ARHGAP10: variants seen among roughly 807,000 people sequenced by gnomAD.
ARHGAP10 encodes the protein Rho GTPase activating protein 10.
Under a neutral mutation model 108.6 loss-of-function variants are expected in ARHGAP10, and 87 were observed. That is an observed-to-expected ratio of 0.80 (90% confidence interval 0.67 to 0.96). ARHGAP10 has a LOEUF of 0.96. Among genes scored for constraint, ARHGAP10 ranks in the 40% least tolerant of loss-of-function variants. The pLI is 0.00. For synonymous variants in ARHGAP10, 347 were observed against 341.1 expected, an observed-to-expected ratio of 1.02 and a Z score of -0.19; for missense variants, 939 against 954.5, an observed-to-expected ratio of 0.98 and a Z score of 0.21.
At chr4:147,762,242 A>G (rs538563659) in intron 1 of ARHGAP10, among the ~76,000 whole-genome samples, 160 of 152,214 alleles carry the variant, frequency 1.1e-3, no homozygotes, top group African/African-American at 3.4e-3. Flanking sequence ...CCCTGGCCTC[A>G]AGCAGTCTGC....
chr4:148,012,827 A>G (rs772151798), intron 18 of ARHGAP10, among the ~76,000 whole-genome samples: 1 of 152,092 alleles, frequency 6.6e-6, no homozygotes, highest in African/African-American at 2.4e-5. Context: ...CTTCCTTATG[A>G]TGACAAAATG....
intron 3 of ARHGAP10, among the ~76,000 whole-genome samples, chr4:147,831,525 G>A (rs1156982576): frequency 1.3e-5 from 2 of 152,180 alleles, no homozygotes; most frequent in Admixed American, 6.5e-5. Context: ...GTGGATTTCT[G>A]TTGGCAGGCA....
chr4:147,854,464 T>G (rs1734009858), intron 4 of ARHGAP10, among the ~76,000 whole-genome samples: 1 of 152,236 alleles, frequency 6.6e-6, no homozygotes, highest in Non-Finnish European at 1.5e-5. Flanking sequence ...ATTAGATTAC[T>G]GCCTGGCCCA....
intron 18 of ARHGAP10, among the ~76,000 whole-genome samples, chr4:147,994,025 C>A (rs1461668194): frequency 6.6e-6 from 1 of 152,164 alleles, no homozygotes; most frequent in Non-Finnish European, 1.5e-5. Flanking sequence ...TTAACTTGCC[C>A]AAGGTCACAC....
intron 1 of ARHGAP10, among the ~76,000 whole-genome samples, chr4:147,741,798 A>ACACGCACACACACG (rs766777155): frequency 1.7e-5 from 1 of 57,778 alleles, no homozygotes; most frequent in African/African-American, 4.0e-5. Flanking sequence ...ACACGCACAC[A>ACACGCACACACACG]CACACACACA....
At chr4:147,784,835 T>TA (rs1560757035) in intron 1 of ARHGAP10, among the ~76,000 whole-genome samples, 1 of 100,240 alleles carries the variant, frequency 1.0e-5, no homozygotes, top group African/African-American at 3.9e-5. Flanking sequence ...ATTATAAATA[T>TA]ATTATAAAAT....
intron 10 of ARHGAP10, among the ~76,000 whole-genome samples, chr4:147,902,733 T>G (rs934882016): frequency 2.0e-5 from 3 of 151,874 alleles, no homozygotes; most frequent in Non-Finnish European, 2.9e-5. Context: ...AGAGCGAAAC[T>G]CCATCTCAAA....
At chr4:147,785,497 A>G (rs777581636) in intron 1 of ARHGAP10, among the ~76,000 whole-genome samples, 29 of 152,300 alleles carry the variant, frequency 1.9e-4, no homozygotes, top group Non-Finnish European at 3.4e-4. Context: ...TTATGATACC[A>G]TAAGTCCTGC....
At chr4:147,908,546 A>T (rs1736596252) in intron 11 of ARHGAP10, among the ~76,000 whole-genome samples, 1 of 152,218 alleles carries the variant, frequency 6.6e-6, no homozygotes, top group Non-Finnish European at 1.5e-5. Flanking sequence ...GGGGACACTG[A>T]AGGGACTGCA....
chr4:147,760,961 G>T (rs1729564499), intron 1 of ARHGAP10, among the ~76,000 whole-genome samples: 1 of 151,982 alleles, frequency 6.6e-6, no homozygotes, highest in African/African-American at 2.4e-5. Context: ...ACTGAGAACT[G>T]TAAAAGAGCT....
At chr4:148,064,346 G>GT in intron 21 of ARHGAP10, 70 bp from the exon 22 acceptor site, 1 of 1,428,382 alleles carries the variant, frequency 7.0e-7, no homozygotes, top group Non-Finnish European at 9.7e-7. Flanking sequence ...GGGAAGGGGG[G>GT]TTGGGGGGTG....
At chr4:147,864,009 C>T (rs1243793201) in intron 5 of ARHGAP10, 1 of 152,232 alleles carries the variant, frequency 6.6e-6, no homozygotes, top group Non-Finnish European at 1.5e-5. Context: ...AGTGTCTTTT[C>T]ACATGCTTAT....
intron 1 of ARHGAP10, among the ~76,000 whole-genome samples, chr4:147,807,852 T>TA (rs1309374810): frequency 5.3e-5 from 8 of 152,258 alleles, no homozygotes; most frequent in Non-Finnish European, 1.0e-4. Context: ...TCCTTTGAAC[T>TA]GGAGCCTGAA....
At chr4:148,013,760 G>T (rs183431032) in intron 18 of ARHGAP10, among the ~76,000 whole-genome samples, 1 of 152,170 alleles carries the variant, frequency 6.6e-6, no homozygotes, top group Admixed American at 6.5e-5. Context: ...AAGAAAAATA[G>T]CATTCACGTT....
At position 148,072,214 on chromosome 4, in the gene ARHGAP10, T is replaced by C; in HGVS notation, c.*133T>C. ...CACTTGGGAGTTACCATCATCACAG[T>C]CAGCCCTGGGGGTGGGGGGTGGTGG... On this transcript the variant is annotated 3_prime_UTR_variant, in exon 23 of 23. Transcript: ENST00000336498. 13 of 408,194 alleles carry C rather than the reference T, an allele frequency of 3.2e-5. No homozygotes were observed. Among genetic ancestry groups the C allele is most frequent in the East Asian group, 6.3e-5 (1 of 15,754 alleles). 25.3% of individuals were successfully genotyped at this position (408,194 alleles called of 1,614,324 possible). A position where few individuals can be genotyped will look rare whatever the true frequency, so the allele number is the denominator to read the frequency against.
At chr4:147,957,946 A>G (rs1241593495) in intron 16 of ARHGAP10, among the ~76,000 whole-genome samples, 1 of 152,218 alleles carries the variant, frequency 6.6e-6, no homozygotes, top group African/African-American at 2.4e-5. Flanking sequence ...TGAGAAAATT[A>G]AGAGAGTTAA....
At chr4:147,870,297 G>A (rs1461837234) in intron 7 of ARHGAP10, among the ~76,000 whole-genome samples, 5 of 152,096 alleles carry the variant, frequency 3.3e-5, no homozygotes, top group African/African-American at 9.7e-5. Context: ...TCCTGACCTC[G>A]TGATCTGCCT....
chr4:147,784,274 C>G (rs1289133042), intron 1 of ARHGAP10, among the ~76,000 whole-genome samples: 1 of 110,544 alleles, frequency 9.0e-6, no homozygotes, highest in Non-Finnish European at 1.7e-5. Context: ...ATATAATTTA[C>G]ATAACATTAA....
intron 11 of ARHGAP10, among the ~76,000 whole-genome samples, chr4:147,907,862 C>T (rs937334133): frequency 2.6e-5 from 4 of 152,004 alleles, no homozygotes; most frequent in African/African-American, 9.7e-5. Flanking sequence ...ATTGATTGAT[C>T]GATGGAATCT....
Sources: gnomAD v4.1 joint callset for allele counts (sites outside exome capture counted in the v4.1 genomes callset) on GRCh38, gnomAD v4.1.1 for gene constraint, MANE v1.5 for transcripts, NCBI Gene and HGNC (gene_info 2026-07-23, HGNC 2026-07-21) for gene names.